TTC6: variants seen among roughly 807,000 people sequenced by gnomAD.
TTC6 encodes the protein tetratricopeptide repeat domain 6.
A neutral mutation model predicts 210.4 loss-of-function variants in TTC6; 172 were observed. That is an observed-to-expected ratio of 0.82 (90% CI 0.72 to 0.93). The LOEUF is 0.93. Among genes scored for constraint, TTC6 ranks in the 40% least tolerant of loss-of-function variants. TTC6 has a pLI of 0.00. For synonymous variants in TTC6, 804 were observed against 819.6 expected (o/e 0.98, Z 0.32); for missense variants, 2,414 against 2,318.1 (o/e 1.04, Z -0.85).
At chr14:37,801,776 A>C (rs2096107218) in intron 20 of TTC6, among the ~76,000 whole-genome samples, 1 of 152,226 alleles carries the variant, frequency 6.6e-6, no homozygotes, top group African/African-American at 2.4e-5. Flanking sequence ...GATGCTGGTG[A>C]GGTTGCAGAG....
intron 10 of TTC6, among the ~76,000 whole-genome samples, chr14:37,746,951 T>C (rs12892785): frequency 0.045 from 6,796 of 152,268 alleles, 233 homozygotes; most frequent in Non-Finnish European, 0.07. Flanking sequence ...TATTTCAGTT[T>C]TCTGCTTCTT....
upstream of TTC6, chr14:37,621,950 T>C (rs1216462878): frequency 1.6e-5 from 12 of 730,366 alleles, no homozygotes; most frequent in East Asian, 2.6e-4. Flanking sequence ...GGTTCTCTTA[T>C]GAGAAGCTTT....
chr14:37,818,549 C>G (rs940243952), intron 26 of TTC6, among the ~76,000 whole-genome samples: 2 of 151,912 alleles, frequency 1.3e-5, no homozygotes, highest in African/African-American at 2.4e-5. Context: ...GTATAAATAC[C>G]CAGTTTAGAG....
At chr14:37,741,329 T>A (rs2138964670) in intron 10 of TTC6, among the ~76,000 whole-genome samples, 1 of 128,144 alleles carries the variant, frequency 7.8e-6, no homozygotes, top group South Asian at 2.7e-4. Flanking sequence ...AGTCTCGCTG[T>A]TGCCCAGGCT....
intron 10 of TTC6, among the ~76,000 whole-genome samples, chr14:37,746,607 G>C (rs528840804): frequency 1.3e-5 from 2 of 152,190 alleles, no homozygotes; most frequent in African/African-American, 4.8e-5. Context: ...GGCTAAGGCT[G>C]TGTGTGGTGA....
Position 37,739,158 on chromosome 14 carries a change from C to T in TTC6, c.2363+3C>T. 6.7e-7 allele frequency: 1 copy of T among 1,486,984 alleles called. No homozygotes were observed. The highest frequency in any genetic ancestry group is 8.8e-7 in the Non-Finnish European group (1 of 1,130,338). The allele number at this position is 1,486,984 out of a possible 1,614,324, so 92.1% of individuals were successfully genotyped here. On this transcript the variant is annotated splice_donor_region_variant and intron_variant, in intron 10 of 30. Coordinates refer to ENST00000553443, the Ensembl canonical transcript of TTC6. ...AAGCCTCCAAAATCTCTTGAAAGGT[C>T]TTGTTTAAGTGATTTTCTTATAGTT... is the stretch of plus-strand genomic sequence containing the variant.
At chr14:37,704,318 A>C (rs989787846) in intron 5 of TTC6, among the ~76,000 whole-genome samples, 2 of 152,100 alleles carry the variant, frequency 1.3e-5, no homozygotes, top group Non-Finnish European at 2.9e-5. Flanking sequence ...GCCTCCTAAA[A>C]TAATAGGATT....
chr14:37,651,872 G>GAGT (rs1435965073), intron 1 of TTC6, among the ~76,000 whole-genome samples: 1 of 152,174 alleles, frequency 6.6e-6, no homozygotes, highest in Non-Finnish European at 1.5e-5. Flanking sequence ...GGGAGATGAA[G>GAGT]CTGGAGAGGC....
chr14:37,639,089 C>G (rs1206352517), intron 1 of TTC6, among the ~76,000 whole-genome samples: 1 of 152,180 alleles, frequency 6.6e-6, no homozygotes, highest in Non-Finnish European at 1.5e-5. Flanking sequence ...TATCAAAGAA[C>G]ATACATTGCT....
intron 1 of TTC6, among the ~76,000 whole-genome samples, chr14:37,596,621 G>A (rs558667444): frequency 1.3e-5 from 2 of 152,212 alleles, no homozygotes; most frequent in Admixed American, 6.5e-5. Flanking sequence ...GTGTGTGACC[G>A]TTTGTATATT....
intron 6 of TTC6, among the ~76,000 whole-genome samples, chr14:37,723,381 A>G (rs2095865550): frequency 6.6e-6 from 1 of 152,202 alleles, no homozygotes; most frequent in Non-Finnish European, 1.5e-5. Context: ...ATATGTGTGT[A>G]CACAAACTTG....
At chr14:37,766,330 C>T (rs1166227405) in intron 14 of TTC6, among the ~76,000 whole-genome samples, 1 of 152,116 alleles carries the variant, frequency 6.6e-6, no homozygotes, top group African/African-American at 2.4e-5. Context: ...AGCACAGTAA[C>T]CAATACGTAG....
chr14:37,662,394 C>T (rs543240530), intron 1 of TTC6, among the ~76,000 whole-genome samples: 15 of 152,170 alleles, frequency 9.9e-5, no homozygotes, highest in Admixed American at 2.6e-4. Context: ...GCCTTTTCTG[C>T]GTCTATTGAG....
At chr14:37,766,203 G>C (rs1323853653) in intron 14 of TTC6, among the ~76,000 whole-genome samples, 1 of 151,896 alleles carries the variant, frequency 6.6e-6, no homozygotes, top group Non-Finnish European at 1.5e-5. Context: ...GCATATGTTG[G>C]TTGTTTCTTT....
At chr14:37,685,090 A>G (rs1225028454) in intron 3 of TTC6, among the ~76,000 whole-genome samples, 2 of 152,206 alleles carry the variant, frequency 1.3e-5, no homozygotes, top group Non-Finnish European at 2.9e-5. Flanking sequence ...GTTAGATAGA[A>G]ATAATAGTGA....
chr14:37,780,769 T>C (rs1365654435), intron 14 of TTC6, among the ~76,000 whole-genome samples: 1 of 152,174 alleles, frequency 6.6e-6, no homozygotes, highest in African/African-American at 2.4e-5. Context: ...CCTAATGTTA[T>C]CCTATCCCTA....
intron 1 of TTC6, among the ~76,000 whole-genome samples, chr14:37,603,772 C>G (rs1056423408): frequency 2.6e-5 from 4 of 152,204 alleles, no homozygotes; most frequent in African/African-American, 9.6e-5. Flanking sequence ...GAGACTTTTA[C>G]TCATTAGACA....
chr14:37,731,024 A>C (rs967196661), intron 7 of TTC6, among the ~76,000 whole-genome samples: 2 of 152,210 alleles, frequency 1.3e-5, no homozygotes, highest in African/African-American at 4.8e-5. Context: ...TACAATAAAC[A>C]TGTACAGTAG....
chr14:37,779,790 G>T (rs1210484118), intron 14 of TTC6, among the ~76,000 whole-genome samples: 2 of 152,150 alleles, frequency 1.3e-5, no homozygotes, highest in African/African-American at 2.4e-5. Context: ...AGTTGGAGGA[G>T]AACAAAAAGG....
Sources: allele counts gnomAD v4.1 joint callset (sites outside exome capture counted in the v4.1 genomes callset), GRCh38; gene constraint gnomAD v4.1.1; transcripts MANE v1.5; gene names NCBI Gene and HGNC (gene_info 2026-07-23, HGNC 2026-07-21).